Variants in LURAP1L observed in about 807,000 individuals in gnomAD.
LURAP1L encodes the protein leucine rich adaptor protein 1-like.
LURAP1L carries 12 observed loss-of-function variants against 13.8 expected under a neutral mutation model. The observed-to-expected ratio is 0.87, with a 90% CI of 0.56 to 1.41. The LOEUF is 1.41. Ranked by LOEUF, LURAP1L falls within the 40% of genes most tolerant of loss-of-function variation. LURAP1L has a pLI of 0.00. For missense variants in LURAP1L, 375 were observed against 292.9 expected (o/e 1.28, Z -2.04); for synonymous variants, 139 against 119.2 (o/e 1.17, Z -1.08).
chr9:12,789,585 T>C (rs1445626367), intron 1 of LURAP1L, among the ~76,000 whole-genome samples: 2 of 152,114 alleles, frequency 1.3e-5, no homozygotes, highest in Non-Finnish European at 2.9e-5. Flanking sequence ...TAGAATCAGG[T>C]GAATTAATAA....
Position 12,776,011 on chromosome 9 carries a change from T to C in LURAP1L, c.296T>C (p.Leu99Pro), listed in dbSNP as rs776934630. Residue 99 changes from leucine to proline, a missense_variant, in exon 1 of 2, where the codon CTC becomes CCC. Coordinates refer to ENST00000319264, the MANE Select transcript of LURAP1L (RefSeq NM_203403.2). ...ALERLETKLH[L>P]LRQEMVNLRA... ...GAGAGGCTAGAAACCAAGCTTCACCTCCTCAGGCAAGAGATGGTGAGTGTG... is the reference window on the plus strand; with the variant it reads ...GAGAGGCTAGAAACCAAGCTTCACCCCCTCAGGCAAGAGATGGTGAGTGTG... 2 of 1,612,360 alleles carry C rather than the reference T, an allele frequency of 1.2e-6. No individual in the cohort carries two copies. Among genetic ancestry groups the C allele is most frequent in the South Asian group, 1.1e-5 (1 of 90,698 alleles).
At chr9:12,787,081 G>A (rs963399200) in intron 1 of LURAP1L, among the ~76,000 whole-genome samples, 2 of 152,000 alleles carry the variant, frequency 1.3e-5, no homozygotes, top group African/African-American at 4.8e-5. Flanking sequence ...ACATATTATT[G>A]CTAAAACATG....
At chr9:12,779,270 T>G (rs903780383) in intron 1 of LURAP1L, among the ~76,000 whole-genome samples, 1 of 135,162 alleles carries the variant, frequency 7.4e-6, no homozygotes, top group Non-Finnish European at 1.6e-5. Flanking sequence ...TATAATCTTT[T>G]TTTTTTTTTT....
chr9:12,777,459 T>A, intron 1 of LURAP1L: 10 of 985,350 alleles, frequency 1.0e-5, no homozygotes, highest in Non-Finnish European at 1.2e-5. Flanking sequence ...GGACTTAATA[T>A]GAGGGACGAA....
chr9:12,801,853 G>A (rs543855125), intron 1 of LURAP1L, among the ~76,000 whole-genome samples: 1 of 152,168 alleles, frequency 6.6e-6, no homozygotes, highest in African/African-American at 2.4e-5. Context: ...AGGAGATCAA[G>A]CCCTCTGAGT....
intron 1 of LURAP1L, among the ~76,000 whole-genome samples, chr9:12,783,739 T>A (rs1007406652): frequency 6.6e-6 from 1 of 152,060 alleles, no homozygotes; most frequent in African/African-American, 2.4e-5. Context: ...AGAAGTATTC[T>A]CTCCTCTGTT....
intron 1 of LURAP1L, among the ~76,000 whole-genome samples, chr9:12,815,312 A>C (rs552626914): frequency 6.6e-6 from 1 of 152,154 alleles, no homozygotes; most frequent in Admixed American, 6.5e-5. Flanking sequence ...ACAATACTCC[A>C]AGTGCTTTTA....
At chr9:12,788,708 T>C (rs1333769614) in intron 1 of LURAP1L, among the ~76,000 whole-genome samples, 2 of 152,054 alleles carry the variant, frequency 1.3e-5, no homozygotes, top group African/African-American at 4.8e-5. Flanking sequence ...TCGAATGAAA[T>C]ACCCTATAAT....
chr9:12,792,608 G>C lies in LURAP1L; in HGVS notation c.312+16581G>C, dbSNP rs190902289. On this transcript the variant is annotated intron_variant, in intron 1 of 1. Transcript: ENST00000319264. ...CCTGATGTTATAGTTGCTTTGTCAA[G>C]GAAGTGAAGAATCAAACTATGCTAT... Among the ~76,000 whole-genome samples, 932 of 152,142 alleles carry C rather than the reference G, an allele frequency of 6.1e-3. 8 individuals are homozygous for C. Among genetic ancestry groups the C allele is most frequent in the African/African-American group, 0.021 (874 of 41,546 alleles).
intron 1 of LURAP1L, among the ~76,000 whole-genome samples, chr9:12,797,897 T>C (rs4397503): frequency 0.14 from 20,749 of 152,100 alleles, 1,738 homozygotes; most frequent in East Asian, 0.28. Context: ...TCATTTTGTT[T>C]GTTTTCTTTT....
chr9:12,821,905 T>C lies in LURAP1L; in HGVS notation c.*145T>C. 1.2e-6 allele frequency: 1 copy of C among 868,344 alleles called. No individual in the cohort carries two copies. Among genetic ancestry groups the C allele is most frequent in the East Asian group, 2.5e-5 (1 of 40,700 alleles). 53.8% of individuals were successfully genotyped at this position (868,344 alleles called of 1,614,324 possible). A position where few individuals can be genotyped will look rare whatever the true frequency, so the allele number is the denominator to read the frequency against. ...TTGAAACTGCTTAATGGTATTGCTG[T>C]TGCTCCTAATACTTCTCATCTGAGC... On this transcript the variant is annotated 3_prime_UTR_variant, in exon 2 of 2. Coordinates refer to ENST00000319264, the MANE Select transcript of LURAP1L (RefSeq NM_203403.2).
chr9:12,795,466 G>C (rs377498652), intron 1 of LURAP1L, among the ~76,000 whole-genome samples: 3 of 152,120 alleles, frequency 2.0e-5, no homozygotes, highest in South Asian at 4.2e-4. Context: ...CTTCCTTCGA[G>C]AAAGTGATTA....
At position 12,775,544 on chromosome 9, in the gene LURAP1L, A is replaced by ATT; in HGVS notation, c.-170_-169dup. 3 of 1,086,446 alleles carry ATT rather than the reference A, an allele frequency of 2.8e-6. No individual in the cohort carries two copies. Among genetic ancestry groups the ATT allele is most frequent in the Non-Finnish European group, 3.7e-6 (3 of 808,036 alleles). The allele number at this position is 1,086,446 out of a possible 1,614,324, so 67.3% of individuals were successfully genotyped here. ...CTGCGACCCCCCGCGTCCTGTGCGG[A>ATT]TTTCAGGGCTGATACCGCATAGGCG... On this transcript the variant is annotated 5_prime_UTR_variant, in exon 1 of 2. Coordinates refer to ENST00000319264, the MANE Select transcript of LURAP1L (RefSeq NM_203403.2).
At chr9:12,789,212 A>G (rs1027363386) in intron 1 of LURAP1L, among the ~76,000 whole-genome samples, 1 of 152,166 alleles carries the variant, frequency 6.6e-6, no homozygotes, top group African/African-American at 2.4e-5. Flanking sequence ...GTGTTTTTCT[A>G]GAGATGTGCT....
At chr9:12,787,585 T>G (rs533274870) in intron 1 of LURAP1L, among the ~76,000 whole-genome samples, 1 of 152,182 alleles carries the variant, frequency 6.6e-6, no homozygotes, top group Non-Finnish European at 1.5e-5. Flanking sequence ...TCCTAGCCAG[T>G]TGATCATCAA....
chr9:12,807,871 T>C (rs1006485447), intron 1 of LURAP1L, among the ~76,000 whole-genome samples: 2 of 152,168 alleles, frequency 1.3e-5, no homozygotes, highest in African/African-American at 4.8e-5. Flanking sequence ...ATACTTCTTT[T>C]TTAAGTACGA....
chr9:12,813,369 G>A (rs1426673847), intron 1 of LURAP1L, among the ~76,000 whole-genome samples: 1 of 151,894 alleles, frequency 6.6e-6, no homozygotes. Flanking sequence ...ATTTTTTGAG[G>A]TTTTTAAAAC....
intron 1 of LURAP1L, among the ~76,000 whole-genome samples, chr9:12,799,474 T>C (rs1314972931): frequency 2.6e-5 from 4 of 152,212 alleles, no homozygotes; most frequent in East Asian, 3.8e-4. Context: ...AAACCATATA[T>C]AAATAATCAT....
chr9:12,791,728 A>G (rs1255697339), intron 1 of LURAP1L, among the ~76,000 whole-genome samples: 1 of 150,452 alleles, frequency 6.6e-6, no homozygotes, highest in Non-Finnish European at 1.5e-5. Flanking sequence ...TTTCTTAAAC[A>G]TTTTTCAACT....
Sources: allele counts gnomAD v4.1 joint callset (sites outside exome capture counted in the v4.1 genomes callset), GRCh38; gene constraint gnomAD v4.1.1; transcripts MANE v1.5; gene names NCBI Gene and HGNC (gene_info 2026-07-23, HGNC 2026-07-21).